The following MAST4 variants were observed in gnomAD, a reference collection of about 807,000 sequenced individuals.
MAST4 encodes microtubule associated serine/threonine kinase family member 4.
Under a neutral mutation model 162.7 loss-of-function variants are expected in MAST4, and 89 were observed. The observed-to-expected ratio is 0.55, with a 90% CI of 0.46 to 0.65. MAST4 has a LOEUF of 0.65. Among genes scored for constraint, MAST4 ranks in the 30% least tolerant of loss-of-function variants. MAST4 has a pLI of 0.00. For synonymous variants in MAST4, 1,479 were observed against 1,361.1 expected, an observed-to-expected ratio of 1.09 and a Z score of -1.91; for missense variants, 3,153 against 3,374.0, an observed-to-expected ratio of 0.93 and a Z score of 1.62.
At chr5:66,621,658 A>G (rs1418240809) in intron 1 of MAST4, among the ~76,000 whole-genome samples, 13 of 152,216 alleles carry the variant, frequency 8.5e-5, no homozygotes, top group Non-Finnish European at 1.9e-4. Context: ...CAAGTCAACC[A>G]TACCAATTTA....
intron 5 of MAST4, among the ~76,000 whole-genome samples, chr5:67,078,925 T>TA (rs1561622330): frequency 4.6e-5 from 4 of 86,284 alleles, no homozygotes; most frequent in African/African-American, 1.8e-4. Context: ...TATATATATA[T>TA]ATATATATAT....
chr5:66,724,991 A>G (rs1328860641), intron 1 of MAST4, among the ~76,000 whole-genome samples: 1 of 151,934 alleles, frequency 6.6e-6, no homozygotes, highest in Non-Finnish European at 1.5e-5. Flanking sequence ...AGAATGCTTA[A>G]AATTATTATT....
At position 67,142,418 on chromosome 5, in the gene MAST4, C is replaced by T. The variant is rs368633309; in HGVS notation, c.2618-3C>T. On this transcript the variant is annotated splice_region_variant and splice_polypyrimidine_tract_variant and intron_variant, in intron 20 of 28. Coordinates refer to ENST00000403625, the MANE Select transcript of MAST4 (RefSeq NM_001164664.2). Reference sequence around the variant, plus strand: ...GGACCTGTTCCCAAACATTTCACTGCAGCTCGGTCTGAGAAGTATCATCAT... The same window carrying T: ...GGACCTGTTCCCAAACATTTCACTGTAGCTCGGTCTGAGAAGTATCATCAT... 4.4e-6 allele frequency: 7 copies of T among 1,586,442 alleles called. No individual in the cohort carries two copies. Among genetic ancestry groups the T allele is most frequent in the Non-Finnish European group, 6.0e-6 (7 of 1,163,940 alleles).
intron 4 of MAST4, among the ~76,000 whole-genome samples, chr5:66,984,048 TGACA>T (rs1324850338): frequency 3.4e-4 from 51 of 152,134 alleles, no homozygotes; most frequent in African/African-American, 1.2e-3. Flanking sequence ...AGGGATACGG[TGACA>T]GACAGGATAG....
In MAST4 at chr5:66,950,282, T is replaced by C. The variant is rs534156655; in HGVS notation, c.674+50300T>C. Reference sequence around the variant, plus strand: ...TGTGGGGAATATACCTAACATAAAATTTTTGTTTTAGCCATTTTTAAGCAT... The same window carrying C: ...TGTGGGGAATATACCTAACATAAAACTTTTGTTTTAGCCATTTTTAAGCAT... On this transcript the variant is annotated intron_variant, in intron 4 of 28. Coordinates refer to ENST00000403625, the MANE Select transcript of MAST4 (RefSeq NM_001164664.2). 7.9e-5 allele frequency among the ~76,000 whole-genome samples: 12 copies of C among 152,042 alleles called. No homozygotes were observed. In the South Asian group the frequency reaches 2.5e-3, roughly 32 times the overall value.
chr5:67,057,941 T>TAA (rs11292115), intron 5 of MAST4, among the ~76,000 whole-genome samples: 12 of 138,112 alleles, frequency 8.7e-5, no homozygotes, highest in Non-Finnish European at 7.9e-5. Flanking sequence ...ATTGCAATTA[T>TAA]AAAAAAAAAA....
chr5:66,818,456 C>T (rs188144505), intron 3 of MAST4, among the ~76,000 whole-genome samples: 253 of 152,120 alleles, frequency 1.7e-3, no homozygotes, highest in Middle Eastern at 0.01. Context: ...ACAGATTTCA[C>T]TATGGTCTGT....
At chr5:66,744,224 T>C (rs963323122) in intron 1 of MAST4, among the ~76,000 whole-genome samples, 5 of 152,164 alleles carry the variant, frequency 3.3e-5, no homozygotes, top group Middle Eastern at 3.2e-3. Context: ...TCTGTGTCTT[T>C]CTGAATGATT....
intron 1 of MAST4, among the ~76,000 whole-genome samples, chr5:66,737,214 G>T (rs987023194): frequency 4.6e-5 from 7 of 152,166 alleles, no homozygotes; most frequent in Non-Finnish European, 1.0e-4. Flanking sequence ...GACTGGGGCT[G>T]CAGGATCCAC....
intron 4 of MAST4, among the ~76,000 whole-genome samples, chr5:67,021,666 G>C (rs1382017665): frequency 6.6e-6 from 1 of 152,142 alleles, no homozygotes; most frequent in East Asian, 1.9e-4. Flanking sequence ...GGACACCCTG[G>C]TGTCTGGTAG....
At chr5:66,723,126 A>T (rs1329049703) in intron 1 of MAST4, among the ~76,000 whole-genome samples, 2 of 152,172 alleles carry the variant, frequency 1.3e-5, no homozygotes, top group Non-Finnish European at 2.9e-5. Context: ...ATTTACTCCT[A>T]CGTCTTCAGT....
chr5:66,730,237 G>A (rs1458991811), intron 1 of MAST4, among the ~76,000 whole-genome samples: 1 of 152,074 alleles, frequency 6.6e-6, no homozygotes, highest in African/African-American at 2.4e-5. Flanking sequence ...ATTATTCATG[G>A]TGAAATCCCC....
intron 4 of MAST4, among the ~76,000 whole-genome samples, chr5:67,028,723 G>A (rs1754962454): frequency 6.6e-6 from 1 of 152,126 alleles, no homozygotes; most frequent in African/African-American, 2.4e-5. Context: ...GGATGAAGAT[G>A]ATATCTTCAG....
chr5:66,651,253 A>G (rs868184682), intron 1 of MAST4, among the ~76,000 whole-genome samples: 1 of 149,996 alleles, frequency 6.7e-6, no homozygotes, highest in African/African-American at 2.5e-5. Context: ...GGGGTAAAAA[A>G]TGAAGTCTGA....
At chr5:66,883,715 C>T (rs1761857962) in intron 3 of MAST4, among the ~76,000 whole-genome samples, 1 of 152,160 alleles carries the variant, frequency 6.6e-6, no homozygotes, top group African/African-American at 2.4e-5. Context: ...GCATGAGCCA[C>T]CGCGCCCGGC....
chr5:66,999,220 C>T (rs890059145), intron 4 of MAST4, among the ~76,000 whole-genome samples: 11 of 152,186 alleles, frequency 7.2e-5, no homozygotes, highest in East Asian at 5.8e-4. Context: ...TGTTCTCCCA[C>T]GGGGTGGAAC....
At chr5:67,122,012 A>T (rs1383891758) in intron 14 of MAST4, among the ~76,000 whole-genome samples, 1 of 152,130 alleles carries the variant, frequency 6.6e-6, no homozygotes, top group Non-Finnish European at 1.5e-5. Flanking sequence ...AATGATATTA[A>T]TGGTGTTCCT....
chr5:66,897,931 G>A (rs1762785544), intron 3 of MAST4, among the ~76,000 whole-genome samples: 1 of 152,150 alleles, frequency 6.6e-6, no homozygotes, highest in Non-Finnish European at 1.5e-5. Context: ...TATGATTGAT[G>A]GAACTATTTG....
chr5:66,914,946 T>C (rs181455580), intron 4 of MAST4, among the ~76,000 whole-genome samples: 19 of 152,216 alleles, frequency 1.2e-4, no homozygotes, highest in Non-Finnish European at 2.9e-5. Flanking sequence ...TGAGAAACTC[T>C]GATCTAGAGA....
Sources: allele counts gnomAD v4.1 joint callset (sites outside exome capture counted in the v4.1 genomes callset), GRCh38; gene constraint gnomAD v4.1.1; transcripts MANE v1.5; gene names NCBI Gene and HGNC (gene_info 2026-07-23, HGNC 2026-07-21).